Variants in IL1RAP observed in about 807,000 individuals in gnomAD.
IL1RAP encodes interleukin-1 receptor accessory protein.
In IL1RAP, 35 loss-of-function variants were observed where a neutral mutation model predicts 60.7. The ratio of observed to expected loss-of-function variants is 0.58; its 90% confidence interval spans 0.44 to 0.76. The LOEUF is 0.76. Ranked by LOEUF, IL1RAP falls within the 30% of genes least tolerant of loss-of-function variation. IL1RAP has a pLI of 0.00. For synonymous variants in IL1RAP, 268 were observed against 250.9 expected, an observed-to-expected ratio of 1.07 and a Z score of -0.64; for missense variants, 572 against 693.9, an observed-to-expected ratio of 0.82 and a Z score of 1.97.
Position 190,518,960 on chromosome 3 carries a change from C to T in IL1RAP, c.-89+4741C>T, listed in dbSNP as rs144232129. The T allele has an allele frequency of 2.1e-3, 325 of 152,278 alleles. 4 individuals are homozygous for T. Among genetic ancestry groups the T allele is most frequent in the African/African-American group, 7.4e-3 (306 of 41,538 alleles). The allele number at this position is 152,278 out of a possible 1,614,324, so 9.4% of individuals were successfully genotyped here. On this transcript the variant is annotated intron_variant, in intron 1 of 11. Coordinates refer to ENST00000447382, the MANE Select transcript of IL1RAP (RefSeq NM_002182.4). Reference sequence around the variant, plus strand: ...AAGACATGATGCTGAGACTCATCTACGCATTTTATTCTAGAGTTAGGAAGA... The same window carrying T: ...AAGACATGATGCTGAGACTCATCTATGCATTTTATTCTAGAGTTAGGAAGA...
chr3:190,593,634 G>A (rs1729131850), intron 3 of IL1RAP, among the ~76,000 whole-genome samples: 1 of 152,018 alleles, frequency 6.6e-6, no homozygotes, highest in Non-Finnish European at 1.5e-5. Flanking sequence ...ACTGTGTGCA[G>A]GGGTACTCTC....
intron 5 of IL1RAP, among the ~76,000 whole-genome samples, chr3:190,611,026 A>G (rs1730778682): frequency 6.6e-6 from 1 of 152,228 alleles, no homozygotes. Context: ...ATAATCAAGT[A>G]TTCATTCTGG....
At chr3:190,659,348 G>C (rs1223996250) in exon 12 of IL1RAP, 1 of 152,124 alleles carries the variant, frequency 6.6e-6, no homozygotes, top group Non-Finnish European at 1.5e-5. Flanking sequence ...TATAAGTGTA[G>C]TGGAAGCAGT....
intron 3 of IL1RAP, among the ~76,000 whole-genome samples, chr3:190,565,234 T>C (rs1446711431): frequency 6.6e-6 from 1 of 151,960 alleles, no homozygotes; most frequent in African/African-American, 2.4e-5. Flanking sequence ...GGTTCTCTAA[T>C]TGTAATGAAG....
chr3:190,607,021 C>T (rs1318804392), intron 4 of IL1RAP, among the ~76,000 whole-genome samples: 1 of 152,128 alleles, frequency 6.6e-6, no homozygotes, highest in Non-Finnish European at 1.5e-5. Context: ...CTGTCTTCCA[C>T]GTGGCAGATG....
intron 2 of IL1RAP, among the ~76,000 whole-genome samples, chr3:190,559,879 G>A (rs915119466): frequency 2.0e-5 from 3 of 152,092 alleles, no homozygotes; most frequent in South Asian, 4.1e-4. Context: ...ATATGCCCGC[G>A]TTTTATAACT....
intron 9 of IL1RAP, among the ~76,000 whole-genome samples, chr3:190,638,640 A>C (rs1019344511): frequency 3.3e-5 from 5 of 152,112 alleles, no homozygotes; most frequent in Admixed American, 6.5e-5. Context: ...CTTCTTCTTT[A>C]ATGATTATTA....
chr3:190,609,779 C>T (rs573550557), intron 5 of IL1RAP, among the ~76,000 whole-genome samples: 1 of 152,290 alleles, frequency 6.6e-6, no homozygotes, highest in African/African-American at 2.4e-5. Context: ...ACTAGTTATC[C>T]ATAGGAACCA....
At chr3:190,641,426 A>G (rs1345877580) in intron 9 of IL1RAP, among the ~76,000 whole-genome samples, 2 of 152,228 alleles carry the variant, frequency 1.3e-5, no homozygotes, top group East Asian at 3.8e-4. Context: ...AACCTCTTGC[A>G]TGTGACTTAA....
chr3:190,609,113 A>C lies in IL1RAP; in HGVS notation c.469A>C (p.Arg157=), dbSNP rs758823845. 2 of 1,613,192 alleles carry C rather than the reference A, an allele frequency of 1.2e-6. No individual in the cohort carries two copies. The highest frequency in any genetic ancestry group is 1.7e-6 in the Non-Finnish European group (2 of 1,179,418). Residue 157 remains arginine (R), a synonymous_variant, in exon 5 of 12, where the codon AGG becomes CGG. Coordinates refer to ENST00000447382, the MANE Select transcript of IL1RAP (RefSeq NM_002182.4). The part of the protein sequence containing the change: ...HKLYIEYGIQ[R]ITCPNVDGYF... ...ACTGTATATAGAATATGGCATTCAG[A>C]GGATCACTTGTCCAAATGTAGATGG...
chr3:190,626,344 TAGTA>T (rs1448631541), intron 7 of IL1RAP, among the ~76,000 whole-genome samples: 5 of 152,226 alleles, frequency 3.3e-5, no homozygotes, highest in African/African-American at 4.8e-5. Flanking sequence ...ACAAAGTTCT[TAGTA>T]AGTATGTTGC....
intron 1 of IL1RAP, among the ~76,000 whole-genome samples, chr3:190,548,571 A>G (rs1724580314): frequency 6.6e-6 from 1 of 152,216 alleles, no homozygotes; most frequent in Non-Finnish European, 1.5e-5. Context: ...AAATTGGACT[A>G]TACACTGTGG....
intron 9 of IL1RAP, among the ~76,000 whole-genome samples, chr3:190,630,673 A>T (rs923924516): frequency 1.3e-4 from 20 of 152,262 alleles, no homozygotes; most frequent in Non-Finnish European, 2.4e-4. Flanking sequence ...AGCCAGTGTG[A>T]AAAGGAAAGA....
In IL1RAP at chr3:190,645,598, C is replaced by G. The variant is rs943369134; in HGVS notation, c.1202-101C>G. On this transcript the variant is annotated intron_variant, in intron 10 of 11. Coordinates refer to ENST00000447382, the MANE Select transcript of IL1RAP (RefSeq NM_002182.4). ...TAGAAAATCGCACTGGAATCTGTCACATAATGAAAATGTCTAATATGCAGA... is the reference window on the plus strand; with the variant it reads ...TAGAAAATCGCACTGGAATCTGTCAGATAATGAAAATGTCTAATATGCAGA... 1.7e-5 allele frequency: 16 copies of G among 915,580 alleles called. No individual in the cohort carries two copies. The African/African-American group carries it at 2.7e-4, about 15-fold the overall frequency. 56.7% of individuals were successfully genotyped at this position (915,580 alleles called of 1,614,324 possible).
At chr3:190,543,628 T>C (rs1036083996) in intron 1 of IL1RAP, among the ~76,000 whole-genome samples, 5 of 152,116 alleles carry the variant, frequency 3.3e-5, no homozygotes, top group Non-Finnish European at 7.4e-5. Flanking sequence ...GTGGTATGTG[T>C]ACACTTGGAG....
At chr3:190,641,744 G>A (rs1415616000) in intron 9 of IL1RAP, among the ~76,000 whole-genome samples, 1 of 152,150 alleles carries the variant, frequency 6.6e-6, no homozygotes, top group African/African-American at 2.4e-5. Flanking sequence ...ATTACAAAAT[G>A]TTCATCCAGA....
intron 5 of IL1RAP, among the ~76,000 whole-genome samples, chr3:190,610,132 T>A (rs1164488244): frequency 6.6e-6 from 1 of 151,996 alleles, no homozygotes; most frequent in Non-Finnish European, 1.5e-5. Flanking sequence ...GTAAACTGGA[T>A]GAGGACAATA....
chr3:190,515,196 C>T (rs527318056), intron 1 of IL1RAP, among the ~76,000 whole-genome samples: 2 of 151,270 alleles, frequency 1.3e-5, no homozygotes, highest in Admixed American at 6.6e-5. Context: ...GTTATCTCAC[C>T]TTTCCGATAC....
intron 3 of IL1RAP, among the ~76,000 whole-genome samples, chr3:190,580,928 A>G (rs1206442965): frequency 6.6e-6 from 1 of 152,004 alleles, no homozygotes; most frequent in Non-Finnish European, 1.5e-5. Flanking sequence ...ATATCTCCAA[A>G]CTCCTCACTT....
Sources: allele counts gnomAD v4.1 joint callset (sites outside exome capture counted in the v4.1 genomes callset), GRCh38; gene constraint gnomAD v4.1.1; transcripts MANE v1.5; gene names NCBI Gene and HGNC (gene_info 2026-07-23, HGNC 2026-07-21).